Variants in FHIT observed in about 807,000 individuals in gnomAD.
FHIT encodes fragile histidine triad diadenosine triphosphatase, also known as bis(5'-adenosyl)-triphosphatase.
FHIT carries 19 observed loss-of-function variants against 17.9 expected under a neutral mutation model. The ratio of observed to expected loss-of-function variants is 1.06; its 90% CI spans 0.74 to 1.56. The LOEUF is 1.56. FHIT is among the 40% of genes most tolerant of loss of function. The pLI, the probability that FHIT is intolerant of heterozygous loss-of-function variation, is 0.00. For synonymous variants in FHIT, 81 were observed against 69.7 expected (o/e 1.16, Z -0.81); for missense variants, 248 against 189.2 (o/e 1.31, Z -1.82).
At chr3:60,323,317 T>C (rs1007937357) in intron 5 of FHIT, among the ~76,000 whole-genome samples, 22 of 152,250 alleles carry the variant, frequency 1.4e-4, no homozygotes, top group Non-Finnish European at 2.8e-4. Context: ...ATTTTCACTT[T>C]GCCAACTACA....
At chr3:59,827,851 A>G (rs1394527083) in intron 8 of FHIT, among the ~76,000 whole-genome samples, 2 of 152,234 alleles carry the variant, frequency 1.3e-5, no homozygotes, top group African/African-American at 4.8e-5. Context: ...AAATTAATGC[A>G]TGTTGGATTG....
At chr3:60,621,389 T>C (rs1229677853) in intron 4 of FHIT, among the ~76,000 whole-genome samples, 1 of 152,130 alleles carries the variant, frequency 6.6e-6, no homozygotes, top group African/African-American at 2.4e-5. Context: ...GACCTCATGA[T>C]CTGCCCGCCT....
intron 8 of FHIT, among the ~76,000 whole-genome samples, chr3:59,764,244 A>G (rs992129562): frequency 1.3e-5 from 2 of 152,184 alleles, no homozygotes; most frequent in Admixed American, 1.3e-4. Flanking sequence ...GGCTGACCTC[A>G]CAGACTTCTT....
At chr3:60,073,587 TC>T (rs1702876800) in intron 5 of FHIT, among the ~76,000 whole-genome samples, 1 of 152,154 alleles carries the variant, frequency 6.6e-6, no homozygotes, top group African/African-American at 2.4e-5. Context: ...ACCTTGCTTC[TC>T]TAACCCCTCA....
chr3:60,419,335 C>G (rs1378564991), intron 5 of FHIT, among the ~76,000 whole-genome samples: 1 of 152,160 alleles, frequency 6.6e-6, no homozygotes, highest in Non-Finnish European at 1.5e-5. Flanking sequence ...TTCATCTTGC[C>G]TCAGTTATTA....
chr3:60,905,315 G>A (rs1462099015), intron 3 of FHIT, among the ~76,000 whole-genome samples: 1 of 152,160 alleles, frequency 6.6e-6, no homozygotes, highest in Admixed American at 6.5e-5. Flanking sequence ...CAAACAGAGT[G>A]TAGAGCAACA....
intron 5 of FHIT, among the ~76,000 whole-genome samples, chr3:60,328,204 A>G (rs1474490968): frequency 6.6e-6 from 1 of 152,242 alleles, no homozygotes; most frequent in Non-Finnish European, 1.5e-5. Flanking sequence ...ACACAGAGTA[A>G]GGCAGGAATG....
chr3:60,379,119 C>T (rs1301193945), intron 5 of FHIT, among the ~76,000 whole-genome samples: 2 of 152,168 alleles, frequency 1.3e-5, no homozygotes, highest in Non-Finnish European at 2.9e-5. Flanking sequence ...AGGAGAACCG[C>T]TAAAGGTTAA....
intron 7 of FHIT, among the ~76,000 whole-genome samples, chr3:59,977,568 G>C (rs144446931): frequency 8.4e-4 from 128 of 152,246 alleles, no homozygotes; most frequent in African/African-American, 3.1e-3. Context: ...AGGAATCTTT[G>C]TGTCAGGACT....
chr3:60,680,399 T>C (rs546309770), intron 4 of FHIT, among the ~76,000 whole-genome samples: 2 of 152,322 alleles, frequency 1.3e-5, no homozygotes, highest in African/African-American at 4.8e-5. Context: ...TATTGATTTT[T>C]ATTTCTGATT....
intron 5 of FHIT, among the ~76,000 whole-genome samples, chr3:60,259,201 G>C (rs1484248090): frequency 2.0e-5 from 3 of 152,170 alleles, no homozygotes; most frequent in Non-Finnish European, 4.4e-5. Context: ...AGAAATAGAA[G>C]AAGTGGGCAG....
intron 5 of FHIT, among the ~76,000 whole-genome samples, chr3:60,108,739 C>T (rs1704538456): frequency 6.6e-6 from 1 of 151,896 alleles, no homozygotes; most frequent in Middle Eastern, 3.4e-3. Context: ...CCTCAGCTCA[C>T]CACAACCTCC....
chr3:61,125,646 G>C (rs1045737331), intron 2 of FHIT, among the ~76,000 whole-genome samples: 2 of 152,158 alleles, frequency 1.3e-5, no homozygotes, highest in Non-Finnish European at 2.9e-5. Flanking sequence ...GCAAACAACT[G>C]TCTTTTCTTC....
chr3:60,322,303 ATAC>A (rs1709469705), intron 5 of FHIT, among the ~76,000 whole-genome samples: 2 of 152,344 alleles, frequency 1.3e-5, no homozygotes, highest in South Asian at 4.1e-4. Context: ...AATACATGAC[ATAC>A]TACAATGTGA....
At chr3:61,210,584 T>TGCTAGCAATGA (rs2039430367) in intron 1 of FHIT, among the ~76,000 whole-genome samples, 1 of 152,198 alleles carries the variant, frequency 6.6e-6, no homozygotes, top group Admixed American at 6.5e-5. Context: ...TGAGGCTCCG[T>TGCTAGCAATGA]GGGCGTAGGG....
In FHIT at chr3:60,196,123, T is replaced by C. The variant is rs114084847; in HGVS notation, c.104-181971A>G. On this transcript the variant is annotated intron_variant, in intron 5 of 9. Transcript: ENST00000492590. ...AGTTTATTATTGCCGCTGTCACAAA[T>C]TACCACATACTTAGGGCTTGAAACA... is the stretch of plus-strand genomic sequence containing the variant. Among the ~76,000 whole-genome samples the C allele has an allele frequency of 9.9e-3, 1,500 of 152,248 alleles. 29 individuals are homozygous for C. Among genetic ancestry groups the C allele is most frequent in the African/African-American group, 0.035 (1,446 of 41,548 alleles).
intron 5 of FHIT, among the ~76,000 whole-genome samples, chr3:60,229,765 T>C (rs569124096): frequency 2.8e-4 from 43 of 152,306 alleles, no homozygotes; most frequent in African/African-American, 9.9e-4. Context: ...GAGAGGATCA[T>C]GGCCAGGCAT....
chr3:60,628,791 A>T (rs544115911), intron 4 of FHIT, among the ~76,000 whole-genome samples: 1 of 152,276 alleles, frequency 6.6e-6, no homozygotes, highest in South Asian at 2.1e-4. Flanking sequence ...TTCAAATGAA[A>T]TCAATTCCTA....
intron 5 of FHIT, among the ~76,000 whole-genome samples, chr3:60,117,111 C>G (rs1264645130): frequency 1.3e-5 from 2 of 150,952 alleles, no homozygotes; most frequent in East Asian, 3.9e-4. Context: ...TGGATTAGAA[C>G]TAGAGATAAT....
Sources: gnomAD v4.1 joint callset for allele counts (sites outside exome capture counted in the v4.1 genomes callset) on GRCh38, gnomAD v4.1.1 for gene constraint, MANE v1.5 for transcripts, NCBI Gene and HGNC (gene_info 2026-07-23, HGNC 2026-07-21) for gene names.